Variants in PARD3B observed in about 807,000 individuals in gnomAD.
PARD3B encodes the protein par-3 family cell polarity regulator beta.
A neutral mutation model predicts 130.2 loss-of-function variants in PARD3B; 103 were observed. The observed-to-expected ratio is 0.79, with a 90% CI of 0.67 to 0.93. The LOEUF is 0.93. PARD3B is among the 40% of genes least tolerant of loss of function. The pLI is 0.00. For missense variants in PARD3B, 1,609 were observed against 1,499.2 expected (o/e 1.07, Z -1.21); for synonymous variants, 583 against 553.2 (o/e 1.05, Z -0.76).
Position 204,943,162 on chromosome 2 carries a change from G to T in PARD3B, c.223-21990G>T, listed in dbSNP as rs974523290. 6.6e-6 allele frequency among the ~76,000 whole-genome samples: 1 copy of T among 152,130 alleles called. No individual in the cohort carries two copies. Among genetic ancestry groups the T allele is most frequent in the Non-Finnish European group, 1.5e-5 (1 of 68,028 alleles). ...ACATTCTTAATGTGTGTATGTGTGT[G>T]TGTGTATGTGTATGCATATATATAT... On this transcript the variant is annotated intron_variant, in intron 2 of 22. Coordinates refer to ENST00000406610, the MANE Select transcript of PARD3B (RefSeq NM_001302769.2). This position sits in a 1 kb window ranked among gnomAD's most constrained non-coding sequence, Gnocchi z 4.2.
intron 18 of PARD3B, among the ~76,000 whole-genome samples, chr2:205,380,531 TATATATA>T (rs1486182033): frequency 3.6e-4 from 15 of 41,128 alleles, no homozygotes; most frequent in African/African-American, 2.3e-3. Context: ...GAATATATAT[TATATATA>T]ATATATAAAG....
At chr2:205,155,547 G>A (rs2034063517) in intron 10 of PARD3B, among the ~76,000 whole-genome samples, 2 of 152,038 alleles carry the variant, frequency 1.3e-5, no homozygotes, top group Non-Finnish European at 2.9e-5. Flanking sequence ...ATTTTGATTT[G>A]TCAATTAAAA....
rs1406315140 is a variant in PARD3B at position 205,276,516 on chromosome 2, G to T, written c.2186-24014G>T. ...GACAAAGGAGTTGCAGGGAGAAGCA[G>T]GTTGGCAATGAGGAGCTAGGCGGGG... is the stretch of plus-strand genomic sequence containing the variant. On this transcript the variant is annotated intron_variant, in intron 16 of 22. Transcript: ENST00000406610. The surrounding 1 kb of genome is among the most constrained non-coding windows in gnomAD (Gnocchi z 5.0). Among the ~76,000 whole-genome samples, 2 of 152,208 alleles carry T rather than the reference G, an allele frequency of 1.3e-5. No homozygotes were observed. The highest frequency in any genetic ancestry group is 4.8e-5 in the African/African-American group (2 of 41,460).
rs575273808 is a variant in PARD3B at position 204,927,339 on chromosome 2, G to A, written c.223-37813G>A. ...TAGTGCCCTTATAAAAGGCACCCCA[G>A]AGAGATCTCCTTCTCCTTCCACCAT... On this transcript the variant is annotated intron_variant, in intron 2 of 22. Coordinates refer to ENST00000406610, the MANE Select transcript of PARD3B (RefSeq NM_001302769.2). Among the ~76,000 whole-genome samples, 13 of 152,222 alleles carry A rather than the reference G, an allele frequency of 8.5e-5. No homozygotes were observed. The East Asian group carries it at 2.5e-3, about 29-fold the overall frequency.
At chr2:204,931,792 G>T (rs544124415) in intron 2 of PARD3B, among the ~76,000 whole-genome samples, 3 of 152,048 alleles carry the variant, frequency 2.0e-5, no homozygotes, top group Admixed American at 1.3e-4. Context: ...AACTAAGAGT[G>T]GGGGGCAGGG....
At chr2:205,371,492 C>A (rs1200062127) in intron 18 of PARD3B, among the ~76,000 whole-genome samples, 1 of 152,110 alleles carries the variant, frequency 6.6e-6, no homozygotes. Flanking sequence ...GGCCACTGTG[C>A]TGACATGGAA....
chr2:205,039,027 C>T (rs542443934), intron 3 of PARD3B, among the ~76,000 whole-genome samples: 2 of 152,082 alleles, frequency 1.3e-5, no homozygotes, highest in Non-Finnish European at 2.9e-5. Context: ...GTGATCTCTT[C>T]TCAGTACTTT....
chr2:204,791,525 A>G (rs1044061259), intron 2 of PARD3B, among the ~76,000 whole-genome samples: 1 of 152,342 alleles, frequency 6.6e-6, no homozygotes. Context: ...AAGAATCAGA[A>G]GATTTTAGGT....
chr2:205,067,134 G>T (rs1455996065), intron 4 of PARD3B, among the ~76,000 whole-genome samples: 1 of 50,976 alleles, frequency 2.0e-5, no homozygotes, highest in African/African-American at 8.5e-5. Context: ...TGGTTTATAG[G>T]CATTGGAAAT....
At chr2:205,313,440 A>G (rs1354737457) in intron 18 of PARD3B, among the ~76,000 whole-genome samples, 1 of 152,226 alleles carries the variant, frequency 6.6e-6, no homozygotes, top group East Asian at 1.9e-4. Context: ...GAAAATGTAC[A>G]GGAACCTTGT....
At chr2:204,854,005 T>C (rs1280954785) in intron 2 of PARD3B, among the ~76,000 whole-genome samples, 1 of 152,100 alleles carries the variant, frequency 6.6e-6, no homozygotes, top group Non-Finnish European at 1.5e-5. Flanking sequence ...GAGATAAAAA[T>C]AGCAATGGAA....
intron 2 of PARD3B, among the ~76,000 whole-genome samples, chr2:204,866,970 GA>G (rs1479448786): frequency 1.3e-5 from 2 of 152,054 alleles, no homozygotes; most frequent in Non-Finnish European, 2.9e-5. Context: ...TCAGGAGGCT[GA>G]AGCAGGAGAA....
intron 18 of PARD3B, among the ~76,000 whole-genome samples, chr2:205,359,589 G>A (rs2044315971): frequency 6.6e-6 from 1 of 152,138 alleles, no homozygotes; most frequent in Admixed American, 6.5e-5. Context: ...TCTGCATGTA[G>A]TGACTTAAGT....
At chr2:204,706,792 A>G (rs1426187171) in intron 2 of PARD3B, among the ~76,000 whole-genome samples, 1 of 151,980 alleles carries the variant, frequency 6.6e-6, no homozygotes, top group African/African-American at 2.4e-5. Context: ...ACTAAGTAAC[A>G]CTCCTCATAT....
chr2:204,927,850 A>G (rs6734071), intron 2 of PARD3B, among the ~76,000 whole-genome samples: 14 of 115,648 alleles, frequency 1.2e-4, no homozygotes, highest in Admixed American at 5.6e-4. Flanking sequence ...GTAGGTAGGT[A>G]GGTAGGTAGG....
chr2:204,564,667 A>AT (rs556232985), intron 1 of PARD3B, among the ~76,000 whole-genome samples: 265 of 152,148 alleles, frequency 1.7e-3, no homozygotes, highest in Non-Finnish European at 6.0e-4. Flanking sequence ...ACTATATACC[A>AT]TTTTTTTGCA....
At position 205,280,375 on chromosome 2, in the gene PARD3B, C is replaced by G. The variant is rs924237167; in HGVS notation, c.2186-20155C>G. On this transcript the variant is annotated intron_variant, in intron 16 of 22. Transcript: ENST00000406610. This position sits in a 1 kb window ranked among gnomAD's most constrained non-coding sequence, Gnocchi z 4.7. ...CCCTGCTTTCAAAATTACTTTTTCT[C>G]TTTTCAATGGAATTCACGACTGTTC... Among the ~76,000 whole-genome samples the G allele has an allele frequency of 2.8e-4, 43 of 152,296 alleles. No individual in the cohort carries two copies. Among genetic ancestry groups the G allele is most frequent in the Admixed American group, 1.2e-3 (18 of 15,302 alleles).
chr2:204,797,926 A>T (rs2042431475), intron 2 of PARD3B, among the ~76,000 whole-genome samples: 2 of 152,196 alleles, frequency 1.3e-5, no homozygotes, highest in African/African-American at 4.8e-5. Context: ...TTTTAAATTT[A>T]TATAATTATC....
Position 205,125,794 on chromosome 2 carries a change from T to G in PARD3B, c.1434+57T>G. 1.3e-6 allele frequency: 2 copies of G among 1,594,202 alleles called. No homozygotes were observed. The highest frequency in any genetic ancestry group is 1.7e-6 in the Non-Finnish European group (2 of 1,167,152). Reference sequence around the variant, plus strand: ...TTAATGCCGAGCTTAATACACTCAATGAACTCATTATAGCTGAGAAACGAG... The same window carrying G: ...TTAATGCCGAGCTTAATACACTCAAGGAACTCATTATAGCTGAGAAACGAG... On this transcript the variant is annotated intron_variant, in intron 10 of 22. Coordinates refer to ENST00000406610, the MANE Select transcript of PARD3B (RefSeq NM_001302769.2). The surrounding 1 kb of genome is among the most constrained non-coding windows in gnomAD (Gnocchi z 4.0).
Sources: gnomAD v4.1 joint callset for allele counts (sites outside exome capture counted in the v4.1 genomes callset) on GRCh38, gnomAD v4.1.1 for gene constraint, Gnocchi (gnomAD v3.1) non-coding constraint, MANE v1.5 for transcripts, NCBI Gene and HGNC (gene_info 2026-07-23, HGNC 2026-07-21) for gene names.